The following SORCS2 variants were observed in gnomAD, a reference collection of about 807,000 sequenced individuals.
SORCS2 encodes the protein VPS10 domain-containing receptor SorCS2.
A neutral mutation model predicts 141.6 loss-of-function variants in SORCS2; 100 were observed. The observed-to-expected ratio is 0.71, with a 90% CI of 0.60 to 0.83. SORCS2 has a LOEUF of 0.83. Ranked by LOEUF, SORCS2 falls within the 40% of genes least tolerant of loss-of-function variation. The pLI is 0.00. For missense variants in SORCS2, 1,646 were observed against 1,560.2 expected, an observed-to-expected ratio of 1.05 and a Z score of -0.93; for synonymous variants, 789 against 676.9, an observed-to-expected ratio of 1.17 and a Z score of -2.57.
chr4:7,647,229 G>C lies in SORCS2; in HGVS notation c.814-6905G>C, dbSNP rs548029719. ...GTGGGGTTAGCCAGGGTTTAGATGG[G>C]CTGAGCAAGACAGACTCTCAACCTC... On this transcript the variant is annotated intron_variant, in intron 4 of 26. Coordinates refer to ENST00000507866, the MANE Select transcript of SORCS2 (RefSeq NM_020777.3). Among the ~76,000 whole-genome samples the C allele has an allele frequency of 3.3e-5, 5 of 152,280 alleles. No individual in the cohort carries two copies. In the South Asian group the frequency reaches 1.0e-3, roughly 32 times the overall value.
chr4:7,620,612 C>T (rs1330278958), intron 3 of SORCS2, among the ~76,000 whole-genome samples: 2 of 152,252 alleles, frequency 1.3e-5, no homozygotes, highest in African/African-American at 2.4e-5. Context: ...CAATGCCAGG[C>T]TCCAGGCACT....
chr4:7,311,135 C>T (rs1718157087), intron 1 of SORCS2, among the ~76,000 whole-genome samples: 1 of 152,120 alleles, frequency 6.6e-6, no homozygotes, highest in African/African-American at 2.4e-5. Context: ...TCCTTCCCGC[C>T]ACTATAGATC....
At position 7,741,150 on chromosome 4, in the gene SORCS2, G is replaced by A; in HGVS notation, c.*886G>A. 2.5e-6 allele frequency: 1 copy of A among 398,668 alleles called. No individual in the cohort carries two copies. The highest frequency in any genetic ancestry group is 4.4e-6 in the Non-Finnish European group (1 of 226,116). 24.7% of individuals were successfully genotyped at this position (398,668 alleles called of 1,614,324 possible). Reference sequence around the variant, plus strand: ...GGAGCCAGATGCCCCCAGAAAGGTGGGTGGTGGAGACGGCACCAGATGTAC... The same window carrying A: ...GGAGCCAGATGCCCCCAGAAAGGTGAGTGGTGGAGACGGCACCAGATGTAC... On this transcript the variant is annotated 3_prime_UTR_variant, in exon 27 of 27. Coordinates refer to ENST00000507866, the MANE Select transcript of SORCS2 (RefSeq NM_020777.3).
intron 2 of SORCS2, among the ~76,000 whole-genome samples, chr4:7,496,608 C>T (rs906619632): frequency 6.6e-6 from 1 of 151,894 alleles, no homozygotes; most frequent in African/African-American, 2.4e-5. Flanking sequence ...TTCTTACAAA[C>T]CAGCATGATA....
chr4:7,461,896 G>GTGCTGTCCCGCAGGCTTCAGTGCCTC (rs147381963), intron 2 of SORCS2, among the ~76,000 whole-genome samples: 1 of 151,468 alleles, frequency 6.6e-6, no homozygotes, highest in Non-Finnish European at 1.5e-5. Context: ...CACCTGGGAG[G>GTGCTGTCCCGCAGGCTTCAGTGCCTC]TGCTGTCCCG....
intron 20 of SORCS2, among the ~76,000 whole-genome samples, chr4:7,725,518 C>T (rs868148432): frequency 1.8e-4 from 27 of 152,188 alleles, no homozygotes; most frequent in Middle Eastern, 3.2e-3. Context: ...CTGCCTTTTC[C>T]CGGGAAAGAG....
chr4:7,305,028 C>CTCT (rs201397600), intron 1 of SORCS2, among the ~76,000 whole-genome samples: 2,413 of 57,920 alleles, frequency 0.042, 81 homozygotes, highest in African/African-American at 0.074. Context: ...GACATTCTGG[C>CTCT]TCTTCTTTTT....
rs199740477 is a variant in SORCS2 at position 7,273,310 on chromosome 4, CTT to C, written c.480+80186_480+80187del. Among the ~76,000 whole-genome samples, 398 of 152,346 alleles carry C rather than the reference CTT, an allele frequency of 2.6e-3. 1 individual carries two copies. Among genetic ancestry groups the C allele is most frequent in the African/African-American group, 9.0e-3 (376 of 41,578 alleles). On this transcript the variant is annotated intron_variant, in intron 1 of 26. Transcript: ENST00000507866. ...GATGGAGAGAAGAAAATCTAGCCCT[CTT>C]TCCCTGGTGTGCCCAGCAGGAAGCA...
chr4:7,667,641 G>T (rs1331775365), intron 8 of SORCS2, among the ~76,000 whole-genome samples: 2 of 152,118 alleles, frequency 1.3e-5, no homozygotes, highest in Non-Finnish European at 2.9e-5. Context: ...GATATTGCTG[G>T]GGTGGGGATG....
chr4:7,241,122 A>G (rs141803237), intron 1 of SORCS2, among the ~76,000 whole-genome samples: 2,445 of 152,078 alleles, frequency 0.016, 70 homozygotes, highest in African/African-American at 0.055. Flanking sequence ...TATTTTTAGT[A>G]GAGACAGGGT....
rs1188133149 is a variant in SORCS2, at chr4:7,233,985, C to T, written c.480+40859C>T. On this transcript the variant is annotated intron_variant, in intron 1 of 26. Transcript: ENST00000507866. The surrounding 1 kb of genome is among the most constrained non-coding windows in gnomAD (Gnocchi z 4.5). Reference sequence around the variant, plus strand: ...AGGGGGTGGGGGAGGACCGTATCCCCGAGCCTCTCCAGGGAGCCCATGCAT... The same window carrying T: ...AGGGGGTGGGGGAGGACCGTATCCCTGAGCCTCTCCAGGGAGCCCATGCAT... Among the ~76,000 whole-genome samples the T allele has an allele frequency of 5.3e-5, 8 of 152,124 alleles. No homozygotes were observed. The highest frequency in any genetic ancestry group is 1.7e-4 in the African/African-American group (7 of 41,424).
At chr4:7,253,958 C>T (rs1426330908) in intron 1 of SORCS2, among the ~76,000 whole-genome samples, 1 of 152,172 alleles carries the variant, frequency 6.6e-6, no homozygotes, top group Non-Finnish European at 1.5e-5. Flanking sequence ...AAATCCAAAT[C>T]AAAACCACAA....
intron 1 of SORCS2, among the ~76,000 whole-genome samples, chr4:7,230,525 C>A (rs56362465): frequency 0.33 from 39,925 of 121,426 alleles, 4,260 homozygotes; most frequent in Non-Finnish European, 0.36. Flanking sequence ...TGAAGATGGT[C>A]AAGTCTTCCA....
At chr4:7,540,807 G>A (rs1345848708) in intron 3 of SORCS2, among the ~76,000 whole-genome samples, 1 of 152,214 alleles carries the variant, frequency 6.6e-6, no homozygotes. Context: ...GTGTGAAGTG[G>A]GGATGAACAT....
At chr4:7,391,309 G>A (rs899600901) in intron 1 of SORCS2, among the ~76,000 whole-genome samples, 8 of 152,220 alleles carry the variant, frequency 5.3e-5, no homozygotes, top group African/African-American at 1.9e-4. Flanking sequence ...TTTCCCCAGA[G>A]CAGCAGAAAG....
At chr4:7,642,800 C>T (rs1003479082) in intron 4 of SORCS2, among the ~76,000 whole-genome samples, 5 of 152,130 alleles carry the variant, frequency 3.3e-5, no homozygotes, top group Admixed American at 6.5e-5. Context: ...GTGGAGTTTG[C>T]GTCCCCATAC....
intron 2 of SORCS2, among the ~76,000 whole-genome samples, chr4:7,399,156 C>G (rs1436685547): frequency 6.6e-6 from 1 of 152,200 alleles, no homozygotes; most frequent in Non-Finnish European, 1.5e-5. Context: ...CTCCTGTCCT[C>G]ACCCTCTGTT....
chr4:7,647,171 A>C (rs1250762152), intron 4 of SORCS2, among the ~76,000 whole-genome samples: 1 of 152,064 alleles, frequency 6.6e-6, no homozygotes, highest in Non-Finnish European at 1.5e-5. Flanking sequence ...AATGACCCCC[A>C]TTCCAGATGA....
intron 1 of SORCS2, among the ~76,000 whole-genome samples, chr4:7,293,720 A>G (rs550301975): frequency 1.2e-4 from 18 of 152,322 alleles, no homozygotes; most frequent in African/African-American, 4.1e-4. Flanking sequence ...GGCGATCCCT[A>G]TGCAGAAGGT....
Sources: gnomAD v4.1 joint callset for allele counts (sites outside exome capture counted in the v4.1 genomes callset) on GRCh38, gnomAD v4.1.1 for gene constraint, Gnocchi (gnomAD v3.1) non-coding constraint, MANE v1.5 for transcripts, NCBI Gene and HGNC (gene_info 2026-07-23, HGNC 2026-07-21) for gene names.